The following PRR19 variants were observed in gnomAD, a reference collection of about 807,000 sequenced individuals.
PRR19 encodes the protein proline rich 19.
PRR19 carries 9 observed loss-of-function variants against 19.2 expected under a neutral mutation model. The observed-to-expected ratio is 0.47, with a 90% CI of 0.28 to 0.82. The LOEUF (loss-of-function observed/expected upper bound fraction) is 0.82, where lower values mean the gene tolerates loss of function less well. Ranked by LOEUF, PRR19 falls within the 40% of genes least tolerant of loss-of-function variation. The pLI, the probability that PRR19 is intolerant of heterozygous loss-of-function variation, is 0.11. For synonymous variants in PRR19, 190 were observed against 191.0 expected (o/e 0.99, Z 0.04); for missense variants, 457 against 466.0 (o/e 0.98, Z 0.18).
At chr19:42,304,737 G>C (rs1036391179) in intron 1 of PRR19, among the ~76,000 whole-genome samples, 7 of 135,166 alleles carry the variant, frequency 5.2e-5, no homozygotes, top group Admixed American at 2.4e-4. Flanking sequence ...GAGACAGAGC[G>C]AGACGCCGTC....
Position 42,310,785 on chromosome 19 carries a change from A to G in PRR19, c.*45A>G. 6.1e-6 allele frequency: 8 copies of G among 1,302,010 alleles called. No individual in the cohort carries two copies. The highest frequency in any genetic ancestry group is 8.5e-6 in the Non-Finnish European group (8 of 941,780). 80.7% of individuals were successfully genotyped at this position (1,302,010 alleles called of 1,614,324 possible). ...CTGGGGACAGATATCTTGTACTCCCAGTGACCTCAATAAAGTACTTTTCAT... is the reference window on the plus strand; with the variant it reads ...CTGGGGACAGATATCTTGTACTCCCGGTGACCTCAATAAAGTACTTTTCAT... On this transcript the variant is annotated 3_prime_UTR_variant, in exon 3 of 3. Transcript: ENST00000341747.
Position 42,302,198 on chromosome 19 carries a change from C to G in PRR19, c.-312C>G, listed in dbSNP as rs767015599. 2.6e-6 allele frequency: 4 copies of G among 1,555,826 alleles called. No homozygotes were observed. The highest frequency in any genetic ancestry group is 1.7e-4 in the Middle Eastern group (1 of 5,984). ...TCTCCTGAGCCACCCCCCGCGCCCC[C>G]GGACTCCTCAATATCCCAGGTGGGA... is the stretch of plus-strand genomic sequence containing the variant. On this transcript the variant is annotated 5_prime_UTR_variant, in exon 1 of 3. Transcript: ENST00000341747.
chr19:42,310,126 G>A lies in PRR19; in HGVS notation c.542G>A (p.Cys181Tyr). 1.2e-6 allele frequency: 2 copies of A among 1,614,090 alleles called. No individual in the cohort carries two copies. Among genetic ancestry groups the A allele is most frequent in the Non-Finnish European group, 1.7e-6 (2 of 1,180,022 alleles). Residue 181 changes from cysteine (C) to tyrosine (Y), a missense_variant, in exon 2 of 3, where the codon TGT becomes TAT. Coordinates refer to ENST00000341747, the MANE Select transcript of PRR19 (RefSeq NM_199285.3). ...GCCATCGTGCACACCTTGCAGGCCT[G>A]TCATGGTTGTGTGCCTGACCTTGCC... ...RDAIVHTLQA[C>Y]HGCVPDLALV...
rs139388795 is a variant in PRR19, at chr19:42,307,424, TTTGTTG to T, written c.-6-2130_-6-2125del. 5.8e-4 allele frequency among the ~76,000 whole-genome samples: 87 copies of T among 150,948 alleles called. 1 individual carries two copies. The South Asian group carries it at 9.3e-3, about 16-fold the overall frequency. On this transcript the variant is annotated intron_variant, in intron 1 of 2. Coordinates refer to ENST00000341747, the MANE Select transcript of PRR19 (RefSeq NM_199285.3). ...ATGACCCCTTCACCACCCTCCATCT[TTTGTTG>T]TTGTTGTTGTTGTTGTTGTTGTTGA... is the stretch of plus-strand genomic sequence containing the variant.
At chr19:42,310,216 T>G (rs1319479015) in intron 2 of PRR19, 31 bp downstream of exon 2, 1 of 1,613,926 alleles carries the variant, frequency 6.2e-7, no homozygotes, top group South Asian at 1.1e-5. Flanking sequence ...TGTACTCCCC[T>G]TTCCTTTGTC....
intron 1 of PRR19, chr19:42,309,337 G>C (rs967023900): frequency 1.9e-5 from 6 of 323,880 alleles, no homozygotes; most frequent in African/African-American, 1.3e-4. Flanking sequence ...GCCTCCCAAA[G>C]TACTAGGATT....
chr19:42,310,241 T>C, intron 2 of PRR19, 30 bp from the exon 3 acceptor site: 1 of 1,613,940 alleles, frequency 6.2e-7, no homozygotes, highest in South Asian at 1.1e-5. Flanking sequence ...CTAGCTCAGC[T>C]AGCCTCTATG....
rs1332881840 is a variant in PRR19, at chr19:42,309,890, C to G, written c.306C>G (p.Leu102=). 6.2e-7 allele frequency: 1 copy of G among 1,613,964 alleles called. No homozygotes were observed. The highest frequency in any genetic ancestry group is 8.5e-7 in the Non-Finnish European group (1 of 1,179,988). ...CCCTGGTGCCAGGCAGCCCCACACT[C>G]CCCGCCAAGCCCTCCCCAAGCCCAG... ...SGTLVPGSPT[L]PAKPSPSPGR... is the part of the protein sequence containing the mutation. The change falls in exon 2 of 3, where the codon CTC becomes CTG. Residue 102 remains leucine (L), a synonymous_variant. Coordinates refer to ENST00000341747, the MANE Select transcript of PRR19 (RefSeq NM_199285.3).
At position 42,309,642 on chromosome 19, in the gene PRR19, G is replaced by A. The variant is rs144013891; in HGVS notation, c.58G>A (p.Val20Ile). The change falls in exon 2 of 3, where the codon GTC (valine) becomes ATC (isoleucine). Residue 20 changes from valine to isoleucine, a missense_variant. Physicochemically the swap from Val to Ile is conservative, Grantham distance 29 (BLOSUM62 3). Transcript: ENST00000341747. ...TCAGCAGCCTGAGAAACCTGGTCGT[G>A]TCCGTCGTCGGAAGACTAGGCGGGA... ...PFQQPEKPGR[V>I]RRRKTRRERN... is the part of the protein sequence containing the mutation. The A allele has an allele frequency of 2.6e-6, 4 of 1,561,132 alleles. No homozygotes were observed. In the African/African-American group the frequency reaches 4.1e-5, roughly 16 times the overall value.
At chr19:42,307,622 G>A (rs1449944450) in intron 1 of PRR19, among the ~76,000 whole-genome samples, 2 of 151,608 alleles carry the variant, frequency 1.3e-5, no homozygotes, top group East Asian at 3.9e-4. Flanking sequence ...TTTTAGTAGA[G>A]GCGAGGTTTC....
At chr19:42,306,083 G>A (rs1303258031) in intron 1 of PRR19, among the ~76,000 whole-genome samples, 1 of 152,146 alleles carries the variant, frequency 6.6e-6, no homozygotes. Context: ...TCAGGCGGGC[G>A]TGATCATGGC....
chr19:42,309,545 G>A, intron 1 of PRR19, 34 bp from the exon 2 acceptor site: 3 of 1,478,262 alleles, frequency 2.0e-6, no homozygotes, highest in Non-Finnish European at 2.7e-6. Flanking sequence ...TGACTTATCT[G>A]CATGCTGATG....
rs752849708 is a variant in PRR19 at position 42,309,651 on chromosome 19, C to T, written c.67C>T (p.Arg23Trp). The change falls in exon 2 of 3, where the codon CGG becomes TGG. Residue 23 changes from arginine (R) to tryptophan (W), a missense_variant. Physicochemically the swap from Arg to Trp is moderately radical, Grantham distance 101 (BLOSUM62 -3). Coordinates refer to ENST00000341747, the MANE Select transcript of PRR19 (RefSeq NM_199285.3). ...QPEKPGRVRRRKTRRERNKAL... is the reference protein window; with the variant it reads ...QPEKPGRVRRWKTRRERNKAL... ...TGAGAAACCTGGTCGTGTCCGTCGT[C>T]GGAAGACTAGGCGGGAACGTAACAA... is the stretch of plus-strand genomic sequence containing the variant. The T allele has an allele frequency of 1.8e-5, 29 of 1,574,528 alleles. No individual in the cohort carries two copies. The highest frequency in any genetic ancestry group is 1.7e-4 in the Middle Eastern group (1 of 5,882).
At chr19:42,302,863 A>G (rs999447091) in intron 1 of PRR19, 1 of 114,558 alleles carries the variant, frequency 8.7e-6, no homozygotes, top group African/African-American at 3.5e-5. Context: ...GGACGAGTCC[A>G]TTCTTATATT....
In PRR19 at chr19:42,302,568, C is replaced by T. The variant is rs1293657304; in HGVS notation, c.-7+65C>T. The T allele has an allele frequency of 2.0e-5, 9 of 444,760 alleles. No individual in the cohort carries two copies. The East Asian group carries it at 3.6e-4, about 18-fold the overall frequency. The allele number at this position is 444,760 out of a possible 1,614,324, so 27.6% of individuals were successfully genotyped here. ...CGCACAGTGGGCTCGCCCGGCGCTTCCCGCTCGGGCCGCTGACTCCCAGGC... is the reference window on the plus strand; with the variant it reads ...CGCACAGTGGGCTCGCCCGGCGCTTTCCGCTCGGGCCGCTGACTCCCAGGC... On this transcript the variant is annotated intron_variant, in intron 1 of 2. Transcript: ENST00000341747.
intron 1 of PRR19, among the ~76,000 whole-genome samples, chr19:42,308,452 G>A (rs573822515): frequency 6.9e-6 from 1 of 145,400 alleles, no homozygotes; most frequent in African/African-American, 2.6e-5. Context: ...AGGTTGAAGC[G>A]CAGTGGCGCA....
At position 42,310,086 on chromosome 19, in the gene PRR19, C is replaced by A. The variant is rs1314437246; in HGVS notation, c.502C>A (p.Gln168Lys). The A allele has an allele frequency of 6.2e-7, 1 of 1,613,972 alleles. No individual in the cohort carries two copies. The highest frequency in any genetic ancestry group is 1.3e-5 in the African/African-American group (1 of 74,944). Residue 168 changes from glutamine (Q) to lysine (K), a missense_variant, in exon 2 of 3, where the codon CAG becomes AAG. Gln to Lys is a moderately conservative substitution (Grantham distance 53, BLOSUM62 1). Coordinates refer to ENST00000341747, the MANE Select transcript of PRR19 (RefSeq NM_199285.3). Reference sequence around the variant, plus strand: ...GGCCTTCCCCCGGAGGAACCTGATTCAGGATGCCAGGGATGCCATCGTGCA... The same window carrying A: ...GGCCTTCCCCCGGAGGAACCTGATTAAGGATGCCAGGGATGCCATCGTGCA... Reference protein sequence around the residue: ...PQAFPRRNLIQDARDAIVHTL... With the variant: ...PQAFPRRNLIKDARDAIVHTL...
rs1384259660 is a variant in PRR19 at position 42,302,450 on chromosome 19, A to G, written c.-60A>G. 1 of 691,276 alleles carries G rather than the reference A, an allele frequency of 1.4e-6. No individual in the cohort carries two copies. Among genetic ancestry groups the G allele is most frequent in the Non-Finnish European group, 2.4e-6 (1 of 421,014 alleles). The allele number at this position is 691,276 out of a possible 1,614,324, so 42.8% of individuals were successfully genotyped here. ...ACGCTAGCACACCCGCGGAGGACGA[A>G]GGCCGATACAGGGCGCCGCCTCCTC... On this transcript the variant is annotated 5_prime_UTR_variant, in exon 1 of 3. Transcript: ENST00000341747.
chr19:42,302,811 G>GGGGGGGTGACCCATTCACGTGGT (rs1328927712), intron 1 of PRR19: 8 of 137,116 alleles, frequency 5.8e-5, no homozygotes, highest in Non-Finnish European at 3.2e-5. Flanking sequence ...TGTTGCGGGG[G>GGGGGGGTGACCCATTCACGTGGT]GGGGGGTGAC....
Sources: allele counts gnomAD v4.1 joint callset (sites outside exome capture counted in the v4.1 genomes callset), GRCh38; gene constraint gnomAD v4.1.1; transcripts MANE v1.5; gene names NCBI Gene and HGNC (gene_info 2026-07-23, HGNC 2026-07-21).